Variants in ALKBH8 observed in about 807,000 individuals in gnomAD.
ALKBH8 encodes the protein tRNA (carboxymethyluridine(34)-5-O)-methyltransferase ALKBH8.
Under a neutral mutation model 59.8 loss-of-function variants are expected in ALKBH8, and 36 were observed. The ratio of observed to expected loss-of-function variants is 0.60; its 90% CI spans 0.46 to 0.79. The LOEUF is 0.79. Among genes scored for constraint, ALKBH8 ranks in the 30% least tolerant of loss-of-function variants. The pLI, the probability that ALKBH8 is intolerant of heterozygous loss-of-function variation, is 0.00. For missense variants in ALKBH8, 768 were observed against 801.0 expected (o/e 0.96, Z 0.50); for synonymous variants, 276 against 273.6 (o/e 1.01, Z -0.09).
intron 9 of ALKBH8, among the ~76,000 whole-genome samples, chr11:107,523,603 T>C (rs1486725870): frequency 8.4e-4 from 1 of 1,194 alleles, no homozygotes; most frequent in Non-Finnish European, 4.8e-3. Context: ...GAATAAATTC[T>C]TTTTTTTTTT....
chr11:107,520,800 A>G (rs12281357), intron 10 of ALKBH8, among the ~76,000 whole-genome samples: 2,856 of 152,254 alleles, frequency 0.019, 88 homozygotes, highest in African/African-American at 0.065. Flanking sequence ...TTAATGTACA[A>G]ACTCTACATT....
chr11:107,545,327 A>G (rs2135555982), intron 7 of ALKBH8, among the ~76,000 whole-genome samples: 1 of 152,318 alleles, frequency 6.6e-6, no homozygotes, highest in African/African-American at 2.4e-5. Flanking sequence ...GTACCCTGTG[A>G]GTCATTCTGA....
chr11:107,536,685 C>T (rs1291458433), intron 7 of ALKBH8, among the ~76,000 whole-genome samples: 1 of 151,922 alleles, frequency 6.6e-6, no homozygotes, highest in African/African-American at 2.4e-5. Flanking sequence ...ATAAACTCAG[C>T]GGTAAGGGGA....
chr11:107,519,340 G>A (rs984483364), intron 10 of ALKBH8, among the ~76,000 whole-genome samples: 17 of 151,734 alleles, frequency 1.1e-4, no homozygotes, highest in African/African-American at 4.1e-4. Flanking sequence ...CTCAACCTCA[G>A]GTGATCTGTC....
In ALKBH8 at chr11:107,525,487, T is replaced by C. The variant is rs1863312677; in HGVS notation, c.984A>G (p.Arg328=). 1 of 1,545,120 alleles carries C rather than the reference T, an allele frequency of 6.5e-7. No individual in the cohort carries two copies. Among genetic ancestry groups the C allele is most frequent in the African/African-American group, 1.4e-5 (1 of 72,360 alleles). ...GDLTLSKRGL[R]TSFTFRKVRQ... ...TCACTTTCCTAAATGTAAATGATGTTCGTAGTCCCCTCTTGCTTAAAGTTA... is the reference window on the plus strand; with the variant it reads ...TCACTTTCCTAAATGTAAATGATGTCCGTAGTCCCCTCTTGCTTAAAGTTA... Residue 328 remains arginine, a synonymous_variant, in exon 9 of 12, where the codon CGA becomes CGG. Coordinates refer to ENST00000428149, the MANE Select transcript of ALKBH8 (RefSeq NM_138775.3).
At chr11:107,518,872 A>AT (rs1417148771) in intron 10 of ALKBH8, among the ~76,000 whole-genome samples, 21 of 151,892 alleles carry the variant, frequency 1.4e-4, no homozygotes, top group African/African-American at 4.6e-4. Flanking sequence ...TCACACCTCT[A>AT]TATTTGTGTG....
intron 8 of ALKBH8, among the ~76,000 whole-genome samples, chr11:107,530,600 AACAC>A (rs66736211): frequency 0.037 from 4,820 of 132,028 alleles, 251 homozygotes; most frequent in African/African-American, 0.12. Flanking sequence ...CTCTCTTCCT[AACAC>A]ACACACACAC....
intron 1 of ALKBH8, among the ~76,000 whole-genome samples, chr11:107,562,513 C>T (rs971268338): frequency 2.0e-5 from 3 of 152,024 alleles, no homozygotes; most frequent in African/African-American, 4.8e-5. Context: ...CCACTCTCTG[C>T]GGACTTTAAA....
chr11:107,506,528 G>A (rs1862393777), intron 11 of ALKBH8, among the ~76,000 whole-genome samples: 1 of 151,996 alleles, frequency 6.6e-6, no homozygotes, highest in South Asian at 2.1e-4. Flanking sequence ...AATACATTAA[G>A]AAGTCGGAAA....
intron 6 of ALKBH8, 50 bp downstream of exon 6, chr11:107,551,758 T>C (rs774392769): frequency 2.6e-5 from 24 of 929,764 alleles, no homozygotes; most frequent in Middle Eastern, 5.3e-4. Flanking sequence ...TTATATCATC[T>C]ACTCAGTTCC....
Position 107,504,449 on chromosome 11 carries a change from A to C in ALKBH8, c.*209T>G, listed in dbSNP as rs538583153. ...TTTTAGAAACCACCTCTCCTAGGGA[A>C]GTAGGAGGAGCCAACACCACATCTG... On this transcript the variant is annotated 3_prime_UTR_variant, in exon 12 of 12. Transcript: ENST00000428149. 4.4e-6 allele frequency: 3 copies of C among 682,882 alleles called. No individual in the cohort carries two copies. The Admixed American group carries it at 7.3e-5, about 17-fold the overall frequency. 42.3% of individuals were successfully genotyped at this position (682,882 alleles called of 1,614,324 possible).
intron 3 of ALKBH8, among the ~76,000 whole-genome samples, chr11:107,555,249 G>A (rs1042554059): frequency 2.6e-5 from 4 of 151,906 alleles, no homozygotes; most frequent in Non-Finnish European, 4.4e-5. Context: ...GAAAGAGCAG[G>A]ACTCTGTCTC....
chr11:107,536,741 G>T (rs1863831584), intron 7 of ALKBH8, among the ~76,000 whole-genome samples: 1 of 152,104 alleles, frequency 6.6e-6, no homozygotes, highest in South Asian at 2.1e-4. Flanking sequence ...CTAGTACCAA[G>T]TCAGAGTAAG....
intron 2 of ALKBH8, among the ~76,000 whole-genome samples, chr11:107,559,889 G>A (rs988752377): frequency 6.6e-6 from 1 of 152,008 alleles, no homozygotes; most frequent in African/African-American, 2.4e-5. Flanking sequence ...TTTAATCCCT[G>A]CTCCACCTTC....
intron 11 of ALKBH8, among the ~76,000 whole-genome samples, chr11:107,507,565 A>G (rs180881395): frequency 1.0e-3 from 156 of 152,342 alleles, no homozygotes; most frequent in East Asian, 3.9e-4. Flanking sequence ...ATAAGACACT[A>G]TAACAAGTAC....
chr11:107,507,092 T>C (rs1862417508), intron 11 of ALKBH8, among the ~76,000 whole-genome samples: 1 of 152,124 alleles, frequency 6.6e-6, no homozygotes, highest in Non-Finnish European at 1.5e-5. Flanking sequence ...AAAGAATATC[T>C]AGTCAGCAAG....
chr11:107,561,232 C>T (rs980501885), intron 1 of ALKBH8, among the ~76,000 whole-genome samples: 3 of 151,936 alleles, frequency 2.0e-5, no homozygotes, highest in Admixed American at 6.6e-5. Flanking sequence ...ACAACTATAA[C>T]GTAAACCAAG....
chr11:107,518,209 T>G (rs1464611201), intron 10 of ALKBH8, among the ~76,000 whole-genome samples: 1 of 152,142 alleles, frequency 6.6e-6, no homozygotes, highest in African/African-American at 2.4e-5. Context: ...AGGAAAAACA[T>G]TAGAAGGATA....
intron 1 of ALKBH8, among the ~76,000 whole-genome samples, 158 bp from the exon 2 acceptor site, chr11:107,561,057 GATAA>G (rs368652366): frequency 4.6e-5 from 7 of 152,244 alleles, no homozygotes; most frequent in African/African-American, 1.7e-4. Flanking sequence ...AGTGAGAACA[GATAA>G]ATAAAAAATG....
Sources: gnomAD v4.1 joint callset for allele counts (sites outside exome capture counted in the v4.1 genomes callset) on GRCh38, gnomAD v4.1.1 for gene constraint, MANE v1.5 for transcripts, NCBI Gene and HGNC (gene_info 2026-07-23, HGNC 2026-07-21) for gene names.